Variants in VRK1 observed in about 807,000 individuals in gnomAD.
VRK1 encodes the protein VRK serine/threonine kinase 1.
Under a neutral mutation model 57.1 loss-of-function variants are expected in VRK1, and 33 were observed. That is an observed-to-expected ratio of 0.58 (90% CI 0.44 to 0.77). The LOEUF (loss-of-function observed/expected upper bound fraction) is 0.77, where lower values mean the gene tolerates loss of function less well. Ranked by LOEUF, VRK1 falls within the 30% of genes least tolerant of loss-of-function variation. VRK1 has a pLI of 0.00. For synonymous variants in VRK1, 137 were observed against 147.8 expected (o/e 0.93, Z 0.53); for missense variants, 413 against 477.3 (o/e 0.87, Z 1.25).
chr14:96,862,446 A>C (rs1888426689), intron 11 of VRK1, among the ~76,000 whole-genome samples: 1 of 151,766 alleles, frequency 6.6e-6, no homozygotes, highest in African/African-American at 2.4e-5. Context: ...ATAAAAGTTA[A>C]GGTTAGGTAA....
At chr14:96,825,695 A>G (rs79203037) in intron 1 of VRK1, among the ~76,000 whole-genome samples, 2,289 of 152,268 alleles carry the variant, frequency 0.015, 65 homozygotes, top group African/African-American at 0.052. Flanking sequence ...AATGAGAGAA[A>G]AGGCTTTGTG....
intron 1 of VRK1, among the ~76,000 whole-genome samples, chr14:96,805,894 T>C (rs1380722003): frequency 1.3e-5 from 2 of 152,204 alleles, no homozygotes; most frequent in East Asian, 1.9e-4. Flanking sequence ...TCTACTTGTC[T>C]AGATCTTTTT....
At chr14:96,824,422 T>C (rs900572360) in intron 1 of VRK1, among the ~76,000 whole-genome samples, 1 of 152,144 alleles carries the variant, frequency 6.6e-6, no homozygotes, top group African/African-American at 2.4e-5. Flanking sequence ...TGAGTGCTTC[T>C]GGGCAGGCAA....
Position 96,813,440 on chromosome 14 carries a change from T to A in VRK1, c.-6+15993T>A, listed in dbSNP as rs116310916. On this transcript the variant is annotated intron_variant, in intron 1 of 12. Coordinates refer to ENST00000216639, the MANE Select transcript of VRK1 (RefSeq NM_003384.3). The stretch of plus-strand genomic sequence containing the variant: ...AGAAGATAGTCTCATTAAGTGCATA[T>A]TTTATATGTATTATTTTCTTAGCTT... 5.9e-3 allele frequency among the ~76,000 whole-genome samples: 894 copies of A among 152,316 alleles called. 11 individuals are homozygous for A. The highest frequency in any genetic ancestry group is 0.02 in the African/African-American group (841 of 41,574).
intron 1 of VRK1, among the ~76,000 whole-genome samples, chr14:96,811,755 A>C (rs78470823): frequency 0.014 from 1,909 of 140,694 alleles, 16 homozygotes; most frequent in Middle Eastern, 0.022. Context: ...TTGCTATCAC[A>C]TTTTCCCTCT....
chr14:96,873,640 A>G (rs1443558793), intron 11 of VRK1, among the ~76,000 whole-genome samples: 2 of 152,230 alleles, frequency 1.3e-5, no homozygotes, highest in African/African-American at 4.8e-5. Context: ...GAACCAAAAT[A>G]TGCACTATCT....
At chr14:96,824,664 AATTT>A (rs931979964) in intron 1 of VRK1, among the ~76,000 whole-genome samples, 1 of 148,832 alleles carries the variant, frequency 6.7e-6, no homozygotes, top group African/African-American at 2.5e-5. Flanking sequence ...TAAAAACATT[AATTT>A]TTTTTTTTTT....
chr14:96,822,711 G>A (rs1022690931), intron 1 of VRK1, among the ~76,000 whole-genome samples: 1 of 152,188 alleles, frequency 6.6e-6, no homozygotes, highest in African/African-American at 2.4e-5. Flanking sequence ...TGACTTAGGT[G>A]TTCAGTGCAT....
intron 2 of VRK1, among the ~76,000 whole-genome samples, chr14:96,836,969 T>C (rs1220409478): frequency 6.6e-6 from 1 of 152,144 alleles, no homozygotes; most frequent in Non-Finnish European, 1.5e-5. Context: ...GCCACTCTGC[T>C]TACCTTTCTT....
intron 3 of VRK1, among the ~76,000 whole-genome samples, chr14:96,838,428 G>T (rs1026921039): frequency 2.0e-5 from 3 of 152,086 alleles, no homozygotes; most frequent in Non-Finnish European, 4.4e-5. Flanking sequence ...AGTCAATTAT[G>T]TGCCTTTTTG....
At chr14:96,810,864 G>T (rs189446725) in intron 1 of VRK1, among the ~76,000 whole-genome samples, 1 of 151,968 alleles carries the variant, frequency 6.6e-6, no homozygotes, top group East Asian at 1.9e-4. Flanking sequence ...GTGCTATCTA[G>T]AACTTAGCTG....
chr14:96,804,670 A>G (rs1281296043), intron 1 of VRK1, among the ~76,000 whole-genome samples: 1 of 152,270 alleles, frequency 6.6e-6, no homozygotes, highest in African/African-American at 2.4e-5. Flanking sequence ...ATGGTATGAT[A>G]GAAATGGTAT....
intron 1 of VRK1, among the ~76,000 whole-genome samples, chr14:96,821,546 T>C (rs990543251): frequency 5.3e-5 from 8 of 152,206 alleles, no homozygotes; most frequent in Non-Finnish European, 8.8e-5. Context: ...GACATTCTTA[T>C]TCAGTAAAGA....
intron 1 of VRK1, among the ~76,000 whole-genome samples, chr14:96,813,309 T>C (rs936131763): frequency 6.6e-6 from 1 of 152,214 alleles, no homozygotes; most frequent in Non-Finnish European, 1.5e-5. Flanking sequence ...TAGTTGATTT[T>C]GTTTGGGTCA....
At chr14:96,851,918 T>C (rs1034274840) in intron 5 of VRK1, among the ~76,000 whole-genome samples, 39 of 152,250 alleles carry the variant, frequency 2.6e-4, no homozygotes, top group Non-Finnish European at 5.3e-4. Flanking sequence ...TGTTGATGAT[T>C]CATAATCTTC....
chr14:96,833,537 A>C lies in VRK1; in HGVS notation c.66A>C (p.Gln22His). The change falls in exon 2 of 13, where the codon CAA becomes CAC. Residue 22 changes from glutamine to histidine, a missense_variant. Gln to His is a conservative substitution (Grantham distance 24, BLOSUM62 0). This residue lies in a region of VRK1 where 116 missense variants were observed against 113.6 expected (regional missense o/e 1.02). Transcript: ENST00000216639. ...CTGCAAAGAGACATCTTGCAGAACA[A>C]TTTGCAGTTGGAGAGATAATAACTG... is the stretch of plus-strand genomic sequence containing the variant. ...QSSAKRHLAE[Q>H]FAVGEIITDM... 1.2e-6 allele frequency: 2 copies of C among 1,613,850 alleles called. No homozygotes were observed. Among genetic ancestry groups the C allele is most frequent in the African/African-American group, 2.7e-5 (2 of 75,038 alleles).
intron 3 of VRK1, among the ~76,000 whole-genome samples, chr14:96,838,454 T>C (rs1887309721): frequency 6.6e-6 from 1 of 152,234 alleles, no homozygotes; most frequent in African/African-American, 2.4e-5. Context: ...CAACATTTGT[T>C]ACTCCCCTTC....
chr14:96,857,633 G>A lies in VRK1; in HGVS notation c.889+1047G>A, dbSNP rs1177975211. ...GCCTAGGCAGAAAGCAGGTTAAGAG[G>A]CCACTGCAGTAACCCATGCAAGAGA... On this transcript the variant is annotated intron_variant, in intron 10 of 12. Transcript: ENST00000216639. 5.9e-5 allele frequency among the ~76,000 whole-genome samples: 9 copies of A among 152,140 alleles called. No homozygotes were observed. In the South Asian group the frequency reaches 1.4e-3, roughly 24 times the overall value.
chr14:96,852,746 GA>G, intron 5 of VRK1, 84 bp from the exon 6 acceptor site: 5 of 954,290 alleles, frequency 5.2e-6, no homozygotes, highest in Admixed American at 1.8e-5. Flanking sequence ...ACATTGTCTT[GA>G]AAAAATTACT....
Sources: allele counts gnomAD v4.1 joint callset (sites outside exome capture counted in the v4.1 genomes callset), GRCh38; gene constraint gnomAD v4.1.1; regional missense constraint gnomAD v4.1.1; transcripts MANE v1.5; gene names NCBI Gene and HGNC (gene_info 2026-07-23, HGNC 2026-07-21).